IL7: variants seen among roughly 807,000 people sequenced by gnomAD.
IL7 encodes interleukin-7.
A neutral mutation model predicts 21.6 loss-of-function variants in IL7; 3 were observed. The ratio of observed to expected loss-of-function variants is 0.14; its 90% CI spans 0.06 to 0.36. The LOEUF is 0.36. IL7 is among the 10% of genes least tolerant of loss of function. The pLI, the probability that IL7 is intolerant of heterozygous loss-of-function variation, is 1.00. For synonymous variants in IL7, 62 were observed against 68.1 expected (o/e 0.91, Z 0.44); for missense variants, 175 against 200.2 (o/e 0.87, Z 0.76).
chr8:78,801,594 C>G (rs1814063252), intron 1 of IL7, among the ~76,000 whole-genome samples: 1 of 152,132 alleles, frequency 6.6e-6, no homozygotes, highest in African/African-American at 2.4e-5. Context: ...AAACTTGAGA[C>G]TTTTGACTTG....
chr8:78,689,482 TTATAGA>T, intron 3 of IL7: 1 of 1,010,030 alleles, frequency 9.9e-7, no homozygotes, highest in East Asian at 3.0e-5. Flanking sequence ...TCACCTGCTT[TTATAGA>T]TATATAGTTT....
chr8:78,709,928 TG>T (rs1325732109), intron 3 of IL7, among the ~76,000 whole-genome samples: 1 of 152,120 alleles, frequency 6.6e-6, no homozygotes, highest in African/African-American at 2.4e-5. Context: ...ATCATCTTTT[TG>T]TTATATCTCA....
intron 2 of IL7, among the ~76,000 whole-genome samples, chr8:78,786,660 AGTCCCTCAT>A (rs1434486519): frequency 6.6e-6 from 1 of 152,228 alleles, no homozygotes; most frequent in Non-Finnish European, 1.5e-5. Context: ...TGGTATATGC[AGTCCCTCAT>A]TGACTGAAAC....
chr8:78,719,216 ACT>A (rs1586039531), intron 5 of IL7: 1 of 122,310 alleles, frequency 8.2e-6, no homozygotes, highest in Admixed American at 9.4e-5. Flanking sequence ...AATACTGAGC[ACT>A]GTTTTTTTGT....
At chr8:78,740,720 C>T (rs1811751913) in intron 2 of IL7, among the ~76,000 whole-genome samples, 1 of 152,164 alleles carries the variant, frequency 6.6e-6, no homozygotes. Flanking sequence ...TTGAAATTGA[C>T]AGTGAGAATT....
chr8:78,791,515 C>T (rs956925837), intron 2 of IL7, among the ~76,000 whole-genome samples: 1 of 152,086 alleles, frequency 6.6e-6, no homozygotes, highest in African/African-American at 2.4e-5. Flanking sequence ...TGGCACATGC[C>T]TGTAATCCTA....
rs139023738 is a variant in IL7, at chr8:78,781,864, G to A, written c.147+16208C>T. On this transcript the variant is annotated intron_variant, in intron 2 of 5. Coordinates refer to ENST00000263851, the MANE Select transcript of IL7 (RefSeq NM_000880.4). ...TCTCTTTCACGTACCCCAATCAGGC[G>A]TAGGTTTTGTGGGTTTACATAATCC... Among the ~76,000 whole-genome samples the A allele has an allele frequency of 4.6e-5, 7 of 152,250 alleles. No individual in the cohort carries two copies. In the East Asian group the frequency reaches 5.8e-4, roughly 13 times the overall value.
intron 2 of IL7, among the ~76,000 whole-genome samples, chr8:78,771,568 A>C (rs1399723331): frequency 6.6e-6 from 1 of 152,148 alleles, no homozygotes; most frequent in East Asian, 1.9e-4. Flanking sequence ...CGCAGAGTCA[A>C]AAAATTGCAA....
At chr8:78,760,058 A>T in intron 2 of IL7, 1 of 1,321,018 alleles carries the variant, frequency 7.6e-7, no homozygotes, top group Non-Finnish European at 1.0e-6. Context: ...AGGCAAAGAT[A>T]TTTAGTGATT....
chr8:78,694,427 C>T (rs1255505278), intron 3 of IL7, among the ~76,000 whole-genome samples: 1 of 151,680 alleles, frequency 6.6e-6, no homozygotes, highest in East Asian at 1.9e-4. Flanking sequence ...TGTGCTTATT[C>T]CTTTTAGGTA....
intron 2 of IL7, among the ~76,000 whole-genome samples, chr8:78,787,498 C>T (rs536250085): frequency 6.6e-6 from 1 of 152,266 alleles, no homozygotes; most frequent in South Asian, 2.1e-4. Flanking sequence ...CCCACAGATA[C>T]TCTCTGTCCC....
chr8:78,753,072 T>C (rs34096063), intron 2 of IL7, among the ~76,000 whole-genome samples: 1 of 152,112 alleles, frequency 6.6e-6, no homozygotes, highest in Non-Finnish European at 1.5e-5. Context: ...TGTGTCTTTA[T>C]AGTAGAATGA....
intron 3 of IL7, among the ~76,000 whole-genome samples, chr8:78,705,449 C>T (rs1251759296): frequency 1.3e-5 from 2 of 152,310 alleles, no homozygotes; most frequent in African/African-American, 2.4e-5. Context: ...TGCCCCTCCT[C>T]CTGGGAGCTT....
At chr8:78,792,344 A>G (rs1043355376) in intron 2 of IL7, among the ~76,000 whole-genome samples, 3 of 152,182 alleles carry the variant, frequency 2.0e-5, no homozygotes, top group African/African-American at 7.2e-5. Context: ...AGAATAAAAC[A>G]TAGATGTAAA....
At chr8:78,724,175 G>A (rs528619333) in intron 3 of IL7, 3 of 152,216 alleles carry the variant, frequency 2.0e-5, no homozygotes, top group African/African-American at 4.8e-5. Context: ...CCAGCAAGAG[G>A]ACATTTTAAA....
intron 2 of IL7, among the ~76,000 whole-genome samples, chr8:78,790,936 T>G (rs1054495752): frequency 1.4e-5 from 2 of 147,200 alleles, no homozygotes; most frequent in African/African-American, 5.0e-5. Flanking sequence ...AAAAAAAAAG[T>G]AAAATGATTC....
At position 78,675,958 on chromosome 8, in the gene IL7, G is replaced by A; in HGVS notation, n.420C>T. On this transcript the variant is annotated non_coding_transcript_exon_variant, in exon 5 of 5. Coordinates refer to the IL7 transcript ENST00000523959. Reference sequence around the variant, plus strand: ...TCATGGGAAGAATTTACGTGGAATAGTTTTTGAAGAGTTAATGGGTACTAT... The same window carrying A: ...TCATGGGAAGAATTTACGTGGAATAATTTTTGAAGAGTTAATGGGTACTAT... The A allele has an allele frequency of 2.7e-6, 3 of 1,100,834 alleles. No individual in the cohort carries two copies. In the Admixed American group the frequency reaches 5.8e-5, roughly 21 times the overall value. 68.2% of individuals were successfully genotyped at this position (1,100,834 alleles called of 1,614,324 possible).
intron 2 of IL7, among the ~76,000 whole-genome samples, chr8:78,754,733 A>AAT: frequency 6.6e-6 from 1 of 152,160 alleles, no homozygotes; most frequent in Non-Finnish European, 1.5e-5. Context: ...TCTGAAAATT[A>AAT]ATCCCTTGTT....
chr8:78,763,002 G>T (rs1445296501), intron 2 of IL7, among the ~76,000 whole-genome samples: 1 of 152,158 alleles, frequency 6.6e-6, no homozygotes, highest in Non-Finnish European at 1.5e-5. Context: ...CAGTAGTGTC[G>T]TCTCTGTATG....
Sources: gnomAD v4.1 joint callset for allele counts (sites outside exome capture counted in the v4.1 genomes callset) on GRCh38, gnomAD v4.1.1 for gene constraint, MANE v1.5 for transcripts, NCBI Gene and HGNC (gene_info 2026-07-23, HGNC 2026-07-21) for gene names.